Variants in ANKRD42 observed in about 807,000 individuals in gnomAD.
ANKRD42 encodes the protein ankyrin repeat domain 42.
Under a neutral mutation model 51.5 loss-of-function variants are expected in ANKRD42, and 43 were observed. The ratio of observed to expected loss-of-function variants is 0.83; its 90% CI spans 0.65 to 1.08. The LOEUF (loss-of-function observed/expected upper bound fraction) is 1.08, where lower values mean the gene tolerates loss of function less well. ANKRD42 is among the 50% of genes least tolerant of loss of function. The probability of loss-of-function intolerance (pLI) is 0.00; values close to 1 mark genes in which losing one functional copy is unlikely to be tolerated. For missense variants in ANKRD42, 608 were observed against 629.3 expected (o/e 0.97, Z 0.36); for synonymous variants, 203 against 213.0 (o/e 0.95, Z 0.41).
chr11:83,197,136 T>A (rs1861691696), intron 1 of ANKRD42, among the ~76,000 whole-genome samples: 1 of 151,016 alleles, frequency 6.6e-6, no homozygotes, highest in African/African-American at 2.5e-5. Flanking sequence ...TCGTTCCCAT[T>A]TGCCATATAT....
rs536416998 is a variant in ANKRD42 at position 83,209,671 on chromosome 11, A to G, written c.331-629A>G. The G allele has an allele frequency of 2.6e-4, 201 of 772,046 alleles. 3 individuals are homozygous for G. The highest frequency in any genetic ancestry group is 2.1e-3 in the South Asian group (153 of 71,674). The allele number at this position is 772,046 out of a possible 1,614,324, so 47.8% of individuals were successfully genotyped here. ...AAGCTGCTTTTCAGCCTCAAGCTTTACACAGCTGTCCTTACTTCCTAACAT... is the reference window on the plus strand; with the variant it reads ...AAGCTGCTTTTCAGCCTCAAGCTTTGCACAGCTGTCCTTACTTCCTAACAT... On this transcript the variant is annotated intron_variant, in intron 3 of 10. Coordinates refer to ENST00000533342, the MANE Select transcript of ANKRD42 (RefSeq NM_001300975.2).
chr11:83,240,815 A>G lies in ANKRD42; in HGVS notation c.1076A>G (p.Asp359Gly), dbSNP rs1257712477. The change falls in exon 9 of 11, where the codon GAT becomes GGT. Residue 359 changes from aspartate to glycine, a missense_variant. Asp to Gly is a moderately conservative substitution (Grantham distance 94). Transcript: ENST00000533342. ...LLEELQKYDIDDENEIDENDV... is the reference protein window; with the variant it reads ...LLEELQKYDIGDENEIDENDV... ...GAGGAGCTACAGAAATATGATATAG[A>G]TGACGAAAATGAAATTGATGAAAAT... is the stretch of plus-strand genomic sequence containing the variant. 1.2e-6 allele frequency: 2 copies of G among 1,614,042 alleles called. No individual in the cohort carries two copies. Among genetic ancestry groups the G allele is most frequent in the Non-Finnish European group, 8.5e-7 (1 of 1,179,998 alleles).
intron 7 of ANKRD42, among the ~76,000 whole-genome samples, chr11:83,229,506 T>C (rs918228219): frequency 7.9e-5 from 12 of 152,172 alleles, no homozygotes; most frequent in African/African-American, 2.9e-4. Context: ...ATGGTGCTCA[T>C]AGTACATCTT....
At chr11:83,213,609 T>G in intron 5 of ANKRD42, 1 of 1,080,388 alleles carries the variant, frequency 9.3e-7, no homozygotes, top group South Asian at 2.1e-5. Flanking sequence ...AGTTTCAAAT[T>G]TACATTTTTC....
chr11:83,209,611 C>T (rs1862227594), intron 3 of ANKRD42: 3 of 862,694 alleles, frequency 3.5e-6, no homozygotes, highest in Non-Finnish European at 2.0e-6. Flanking sequence ...TGTTCCGGTG[C>T]CCACTACCCA....
At chr11:83,245,436 AC>A in intron 9 of ANKRD42, 61 bp from the exon 10 acceptor site, 1 of 1,495,572 alleles carries the variant, frequency 6.7e-7, no homozygotes, top group Admixed American at 2.1e-5. Context: ...GAATACCAGC[AC>A]CCAGTGGACA....
intron 2 of ANKRD42, among the ~76,000 whole-genome samples, chr11:83,205,576 A>T (rs1288899854): frequency 2.0e-5 from 3 of 152,014 alleles, no homozygotes; most frequent in Admixed American, 6.6e-5. Flanking sequence ...GACTTCTCTC[A>T]TTTTTTTTAA....
At chr11:83,206,733 T>G (rs939157018) in intron 3 of ANKRD42, among the ~76,000 whole-genome samples, 4 of 152,204 alleles carry the variant, frequency 2.6e-5, no homozygotes, top group Admixed American at 1.3e-4. Flanking sequence ...GAGAAATAAA[T>G]TTTTGTTGTT....
chr11:83,249,936 G>T (rs181884864), downstream of ANKRD42, among the ~76,000 whole-genome samples: 15 of 152,202 alleles, frequency 9.9e-5, no homozygotes, highest in African/African-American at 3.1e-4. Context: ...TTTCTAGCAC[G>T]CAGAGGTATT....
At chr11:83,219,494 G>T (rs1403319800) in intron 5 of ANKRD42, among the ~76,000 whole-genome samples, 2 of 152,210 alleles carry the variant, frequency 1.3e-5, no homozygotes, top group Non-Finnish European at 1.5e-5. Flanking sequence ...TAAGTTTAAA[G>T]GGGGTGGTGG....
chr11:83,195,906 G>A (rs1367344648), intron 1 of ANKRD42, among the ~76,000 whole-genome samples: 3 of 149,156 alleles, frequency 2.0e-5, no homozygotes, highest in African/African-American at 7.5e-5. Flanking sequence ...GTGCAGTGGC[G>A]CGGTCCTCAG....
chr11:83,254,925 C>A (rs1411685286), intron 11 of ANKRD42, among the ~76,000 whole-genome samples: 1 of 152,270 alleles, frequency 6.6e-6, no homozygotes, highest in South Asian at 2.1e-4. Flanking sequence ...AGAAGTTTAT[C>A]CTACTCTCAA....
intron 9 of ANKRD42, among the ~76,000 whole-genome samples, chr11:83,242,959 T>C (rs984642684): frequency 4.6e-5 from 7 of 152,196 alleles, no homozygotes; most frequent in African/African-American, 1.7e-4. Context: ...CATGTGTGCA[T>C]GTGTCTTTAT....
At position 83,248,100 on chromosome 11, in the gene ANKRD42, T is replaced by C. The variant is rs1863597374; in HGVS notation, c.1480T>C (p.Phe494Leu). 9.7e-6 allele frequency: 15 copies of C among 1,554,184 alleles called. No homozygotes were observed. The highest frequency in any genetic ancestry group is 1.3e-5 in the Non-Finnish European group (15 of 1,149,772). The change falls in exon 11 of 11, where the codon TTT (phenylalanine) becomes CTT (leucine). Residue 494 changes from phenylalanine to leucine, a missense_variant. Phe to Leu is a conservative substitution (Grantham distance 22). Coordinates refer to ENST00000533342, the MANE Select transcript of ANKRD42 (RefSeq NM_001300975.2). ...CTTTGTGGCTATGGTTGGTGTCCTTTTTAATACATTTATTTTTCTCAAGAA... is the reference window on the plus strand; with the variant it reads ...CTTTGTGGCTATGGTTGGTGTCCTTCTTAATACATTTATTTTTCTCAAGAA... Reference protein sequence around the residue: ...PNFVAMVGVLFNTFIFLKKYI... With the variant: ...PNFVAMVGVLLNTFIFLKKYI...
At chr11:83,199,597 A>C (rs1861790718) in intron 2 of ANKRD42, among the ~76,000 whole-genome samples, 1 of 152,212 alleles carries the variant, frequency 6.6e-6, no homozygotes, top group South Asian at 2.1e-4. Context: ...TTTTAATGCA[A>C]ATCTGATCCT....
chr11:83,202,988 A>ATTT (rs750379636), intron 2 of ANKRD42, among the ~76,000 whole-genome samples: 5 of 118,988 alleles, frequency 4.2e-5, no homozygotes, highest in Admixed American at 8.7e-5. Flanking sequence ...TGTTGGTTGG[A>ATTT]TTTTTTTTTT....
chr11:83,195,847 T>G (rs192909818), intron 1 of ANKRD42, among the ~76,000 whole-genome samples: 1 of 145,820 alleles, frequency 6.9e-6, no homozygotes, highest in African/African-American at 2.5e-5. Flanking sequence ...CTCTCTCTCT[T>G]TTTTTTTTTT....
downstream of ANKRD42, among the ~76,000 whole-genome samples, chr11:83,257,574 G>A (rs114537526): frequency 1.9e-3 from 291 of 152,264 alleles, 3 homozygotes; most frequent in African/African-American, 6.9e-3. Flanking sequence ...TAGTTGTGCC[G>A]AGGATTATAT....
downstream of ANKRD42, among the ~76,000 whole-genome samples, chr11:83,251,619 A>G (rs1183189768): frequency 6.6e-6 from 1 of 152,162 alleles, no homozygotes; most frequent in Non-Finnish European, 1.5e-5. Context: ...TGCTATTATA[A>G]ACCCCTCACA....
Sources: allele counts gnomAD v4.1 joint callset (sites outside exome capture counted in the v4.1 genomes callset), GRCh38; gene constraint gnomAD v4.1.1; transcripts MANE v1.5; gene names NCBI Gene and HGNC (gene_info 2026-07-23, HGNC 2026-07-21).